Variants in TEK observed in about 807,000 individuals in gnomAD.
The protein encoded by TEK is angiopoietin-1 receptor.
In TEK, 43 loss-of-function variants were observed where a neutral mutation model predicts 131.8. The observed-to-expected ratio is 0.33, with a 90% CI of 0.26 to 0.42. TEK has a LOEUF of 0.42. Among genes scored for constraint, TEK ranks in the 10% least tolerant of loss-of-function variants. The pLI is 1.00. For missense variants in TEK, 1,162 were observed against 1,384.4 expected, an observed-to-expected ratio of 0.84 and a Z score of 2.55; for synonymous variants, 580 against 491.6, an observed-to-expected ratio of 1.18 and a Z score of -2.38.
At chr9:27,215,041 A>C (rs617333) in intron 18 of TEK, among the ~76,000 whole-genome samples, 133,503 of 152,174 alleles carry the variant, frequency 0.88, 58,743 homozygotes, top group East Asian at 1. Flanking sequence ...TCCCTGCTTT[A>C]CTCCAGCACT....
chr9:27,195,096 G>C (rs1824957009), intron 11 of TEK, among the ~76,000 whole-genome samples: 1 of 152,106 alleles, frequency 6.6e-6, no homozygotes, highest in Admixed American at 6.5e-5. Context: ...AAACCACTCT[G>C]GGTGGCTATT....
chr9:27,127,152 G>A (rs1335910361), intron 1 of TEK, among the ~76,000 whole-genome samples: 7 of 151,980 alleles, frequency 4.6e-5, no homozygotes, highest in South Asian at 2.1e-4. Context: ...GACAGGTCCC[G>A]GTGTGTGATG....
At chr9:27,226,489 C>T (rs1030755281) in intron 21 of TEK, among the ~76,000 whole-genome samples, 6 of 152,102 alleles carry the variant, frequency 3.9e-5, no homozygotes, top group Admixed American at 2.6e-4. Context: ...GAACAGAAGA[C>T]CAAACATTGC....
chr9:27,192,528 G>C lies in TEK; in HGVS notation c.1529G>C (p.Arg510Pro). The C allele has an allele frequency of 6.2e-7, 1 of 1,613,896 alleles. No individual in the cohort carries two copies. Among genetic ancestry groups the C allele is most frequent in the Non-Finnish European group, 8.5e-7 (1 of 1,179,888 alleles). The part of the protein sequence containing the change: ...EIVTLNYLEP[R>P]TEYELCVQLV... ...GTTACACTCAACTATTTGGAACCTC[G>C]GACAGAATATGAACTCTGTGTGCAA... The change falls in exon 11 of 23, where the codon CGG (arginine) becomes CCG (proline). Residue 510 changes from arginine to proline, a missense_variant. Coordinates refer to ENST00000380036, the MANE Select transcript of TEK (RefSeq NM_000459.5).
intron 1 of TEK, 44 bp downstream of exon 1, chr9:27,109,686 CAGAG>C (rs1208799416): frequency 1.2e-6 from 2 of 1,600,448 alleles, no homozygotes; most frequent in Admixed American, 3.3e-5. Flanking sequence ...TTTTAAAAAA[CAGAG>C]TTAGTGATTT....
At chr9:27,176,304 A>G (rs777079164) in intron 6 of TEK, among the ~76,000 whole-genome samples, 5 of 152,186 alleles carry the variant, frequency 3.3e-5, no homozygotes, top group Non-Finnish European at 7.3e-5. Flanking sequence ...TAAAGAGAAC[A>G]GGGGAATTCC....
chr9:27,169,506 G>T lies in TEK; in HGVS notation c.505G>T (p.Glu169Ter). ...CTTCATCCATTCAGTGCCCCGGCATGAAGTACCTGATATTCTAGAAGTACA... is the reference window on the plus strand; with the variant it reads ...CTTCATCCATTCAGTGCCCCGGCATTAAGTACCTGATATTCTAGAAGTACA... Reference protein sequence around the residue: ...GSFIHSVPRHEVPDILEVHLP... With the variant: ...GSFIHSVPRH The change falls in exon 4 of 23, where the codon GAA (glutamate) becomes TAA (stop). Residue 169 changes from glutamate (E) to a stop codon, truncating the protein, a stop_gained. Coordinates refer to ENST00000380036, the MANE Select transcript of TEK (RefSeq NM_000459.5). LOFTEE classifies it high-confidence loss of function. The T allele has an allele frequency of 6.2e-7, 1 of 1,614,096 alleles. No individual in the cohort carries two copies. Among genetic ancestry groups the T allele is most frequent in the Non-Finnish European group, 8.5e-7 (1 of 1,179,964 alleles).
intron 1 of TEK, among the ~76,000 whole-genome samples, chr9:27,113,396 C>G (rs1187462584): frequency 1.3e-5 from 2 of 152,064 alleles, no homozygotes; most frequent in African/African-American, 4.8e-5. Context: ...CAAGACCATC[C>G]TAGCCAACAT....
At chr9:27,167,052 C>T (rs950689862) in intron 2 of TEK, among the ~76,000 whole-genome samples, 1 of 152,126 alleles carries the variant, frequency 6.6e-6, no homozygotes, top group African/African-American at 2.4e-5. Context: ...CCTTATGTCA[C>T]AGAGTTTGGC....
chr9:27,229,053 A>G (rs1826454342), intron 22 of TEK, 105 bp from the exon 23 acceptor site: 7 of 916,724 alleles, frequency 7.6e-6, no homozygotes, highest in African/African-American at 1.6e-5. Flanking sequence ...AGTGCTTAGT[A>G]TATGAGTTGC....
At chr9:27,177,713 G>A (rs1309716420) in intron 6 of TEK, among the ~76,000 whole-genome samples, 4 of 152,148 alleles carry the variant, frequency 2.6e-5, no homozygotes, top group Non-Finnish European at 5.9e-5. Flanking sequence ...TCATGCCATT[G>A]CATTCCAGCC....
At chr9:27,166,069 C>A (rs549894344) in intron 2 of TEK, among the ~76,000 whole-genome samples, 60 of 152,366 alleles carry the variant, frequency 3.9e-4, no homozygotes, top group African/African-American at 1.4e-3. Context: ...AATGAGGGCA[C>A]AGCGACCAGC....
intron 6 of TEK, among the ~76,000 whole-genome samples, chr9:27,175,948 C>T (rs889983240): frequency 1.3e-5 from 2 of 152,128 alleles, no homozygotes; most frequent in African/African-American, 4.8e-5. Flanking sequence ...TGCCTGTTCA[C>T]TCTGATGGTA....
intron 6 of TEK, among the ~76,000 whole-genome samples, chr9:27,173,894 C>T (rs1213809077): frequency 6.6e-6 from 1 of 151,034 alleles, no homozygotes; most frequent in Non-Finnish European, 1.5e-5. Context: ...TGCACCACTA[C>T]ACTCCAGCCT....
At chr9:27,228,975 G>C (rs1378021562) in intron 22 of TEK, among the ~76,000 whole-genome samples, 183 bp from the exon 23 acceptor site, 1 of 152,188 alleles carries the variant, frequency 6.6e-6, no homozygotes, top group Admixed American at 6.5e-5. Context: ...CAGAACGCAA[G>C]GGGATGCATT....
intron 1 of TEK, among the ~76,000 whole-genome samples, chr9:27,153,241 G>A (rs1465027669): frequency 6.6e-6 from 1 of 152,152 alleles, no homozygotes; most frequent in Non-Finnish European, 1.5e-5. Context: ...GACGTCAGGA[G>A]TTCAAGACCA....
chr9:27,167,467 A>G (rs1823775613), intron 2 of TEK, among the ~76,000 whole-genome samples: 1 of 152,000 alleles, frequency 6.6e-6, no homozygotes, highest in Non-Finnish European at 1.5e-5. Flanking sequence ...ACCTCAAGTG[A>G]TCTGTCTACG....
intron 1 of TEK, among the ~76,000 whole-genome samples, chr9:27,126,396 G>A (rs1290568794): frequency 6.6e-6 from 1 of 152,144 alleles, no homozygotes; most frequent in Non-Finnish European, 1.5e-5. Context: ...TCACAAAAAG[G>A]ACACTTGTTT....
At chr9:27,178,315 C>T (rs1193671212) in intron 6 of TEK, among the ~76,000 whole-genome samples, 1 of 151,884 alleles carries the variant, frequency 6.6e-6, no homozygotes, top group Non-Finnish European at 1.5e-5. Context: ...TTCCGTTGGT[C>T]TATATGTGTG....
Sources: gnomAD v4.1 joint callset for allele counts (sites outside exome capture counted in the v4.1 genomes callset) on GRCh38, gnomAD v4.1.1 for gene constraint, MANE v1.5 for transcripts, NCBI Gene and HGNC (gene_info 2026-07-23, HGNC 2026-07-21) for gene names.